The following ANKRD39 variants were observed in gnomAD, a reference collection of about 807,000 sequenced individuals.
ANKRD39 encodes the protein ankyrin repeat domain-containing protein 39.
Under a neutral mutation model 20.3 loss-of-function variants are expected in ANKRD39, and 18 were observed. The ratio of observed to expected loss-of-function variants is 0.89; its 90% CI spans 0.61 to 1.32. The LOEUF is 1.32. Ranked by LOEUF, ANKRD39 falls within the 40% of genes most tolerant of loss-of-function variation. The probability of loss-of-function intolerance (pLI) is 0.00; values close to 1 mark genes in which losing one functional copy is unlikely to be tolerated. For missense variants in ANKRD39, 243 were observed against 250.7 expected (o/e 0.97, Z 0.21); for synonymous variants, 106 against 111.9 (o/e 0.95, Z 0.33).
chr2:96,848,049 G>T lies in ANKRD39; in HGVS notation c.*252C>A, dbSNP rs573455547. 2.5e-6 allele frequency: 1 copy of T among 406,208 alleles called. No individual in the cohort carries two copies. Among genetic ancestry groups the T allele is most frequent in the Admixed American group, 3.7e-5 (1 of 27,134 alleles). The allele number at this position is 406,208 out of a possible 1,614,324, so 25.2% of individuals were successfully genotyped here. On this transcript the variant is annotated 3_prime_UTR_variant, in exon 4 of 4. Coordinates refer to ENST00000393537, the MANE Select transcript of ANKRD39 (RefSeq NM_016466.6). The stretch of plus-strand genomic sequence containing the variant: ...ATCTTTGGGTGTGGGATGAGGTAAG[G>T]ATATAACTTTATTTTTTTCCAAATA...
chr2:96,855,301 A>G (rs2079857146), intron 1 of ANKRD39, among the ~76,000 whole-genome samples: 1 of 152,270 alleles, frequency 6.6e-6, no homozygotes, highest in African/African-American at 2.4e-5. Context: ...GAAACAGGAA[A>G]GTTGATAAAT....
chr2:96,849,184 A>G (rs1158972129), intron 3 of ANKRD39, among the ~76,000 whole-genome samples: 1 of 151,960 alleles, frequency 6.6e-6, no homozygotes, highest in Non-Finnish European at 1.5e-5. Flanking sequence ...ACAGGGTCTC[A>G]CTCTGTTGCC....
Position 96,848,590 on chromosome 2 carries a change from G to A in ANKRD39, c.409-146C>T, listed in dbSNP as rs1242630679. ...GCCTGTAATCTCAGCACTTTGGGAG[G>A]CCAAGGCAGGCGGATCACAAGGTCA... On this transcript the variant is annotated intron_variant, in intron 3 of 3. Coordinates refer to ENST00000393537, the MANE Select transcript of ANKRD39 (RefSeq NM_016466.6). 1.5e-5 allele frequency: 15 copies of A among 1,009,082 alleles called. No homozygotes were observed. In the East Asian group the frequency reaches 2.4e-4, roughly 16 times the overall value. The allele number at this position is 1,009,082 out of a possible 1,614,324, so 62.5% of individuals were successfully genotyped here.
chr2:96,856,556 A>G (rs1454045341), intron 1 of ANKRD39, among the ~76,000 whole-genome samples: 1 of 151,924 alleles, frequency 6.6e-6, no homozygotes, highest in East Asian at 1.9e-4. Flanking sequence ...TCTTAACAGC[A>G]CAATTGACAC....
chr2:96,853,603 T>C lies in ANKRD39; in HGVS notation c.206A>G (p.His69Arg). ...QPDSAGYTAL[H>R]YASRNGHYAV... ...GTAGTGCCCATTGCGGCTGGCATAGTGCTGCAGGGAACAGAGACCGAGGTC... is the reference window on the plus strand; with the variant it reads ...GTAGTGCCCATTGCGGCTGGCATAGCGCTGCAGGGAACAGAGACCGAGGTC... Residue 69 changes from histidine to arginine, a missense_variant and splice_region_variant, in exon 3 of 4, where the codon CAC becomes CGC. His to Arg is a conservative substitution (Grantham distance 29, BLOSUM62 0). Coordinates refer to ENST00000393537, the MANE Select transcript of ANKRD39 (RefSeq NM_016466.6). 2 of 1,611,628 alleles carry C rather than the reference T, an allele frequency of 1.2e-6. No individual in the cohort carries two copies. The highest frequency in any genetic ancestry group is 1.7e-6 in the Non-Finnish European group (2 of 1,179,756).
chr2:96,852,876 TG>T (rs2079845135), intron 3 of ANKRD39, among the ~76,000 whole-genome samples: 1 of 152,078 alleles, frequency 6.6e-6, no homozygotes, highest in Non-Finnish European at 1.5e-5. Flanking sequence ...GAGACCAGCC[TG>T]GGCAACACAG....
intron 3 of ANKRD39, 132 bp from the exon 4 acceptor site, chr2:96,848,576 C>CA (rs1251686965): frequency 3.3e-6 from 4 of 1,227,688 alleles, no homozygotes; most frequent in Non-Finnish European, 2.2e-6. Flanking sequence ...CCTGTAATCT[C>CA]AGCACTTTGG....
chr2:96,848,594 A>G, intron 3 of ANKRD39, 150 bp from the exon 4 acceptor site: 2 of 970,262 alleles, frequency 2.1e-6, no homozygotes, highest in Non-Finnish European at 3.0e-6. Context: ...TGGGAGGCCA[A>G]GGCAGGCGGA....
chr2:96,854,685 C>T (rs758811424), intron 1 of ANKRD39, among the ~76,000 whole-genome samples: 5 of 152,270 alleles, frequency 3.3e-5, no homozygotes, highest in Non-Finnish European at 7.3e-5. Flanking sequence ...CTCCATCCCA[C>T]TTCAAACACA....
chr2:96,852,894 C>G (rs2079845217), intron 3 of ANKRD39, among the ~76,000 whole-genome samples: 1 of 151,930 alleles, frequency 6.6e-6, no homozygotes, highest in African/African-American at 2.4e-5. Context: ...ACAGTGAGAC[C>G]CCATTCCCCA....
At chr2:96,857,016 AG>A (rs2079868689) in intron 1 of ANKRD39, among the ~76,000 whole-genome samples, 1 of 152,206 alleles carries the variant, frequency 6.6e-6, no homozygotes, top group East Asian at 1.9e-4. Context: ...AGGCCATAAC[AG>A]GGAATGATGT....
intron 3 of ANKRD39, among the ~76,000 whole-genome samples, chr2:96,852,165 T>C (rs2079840903): frequency 6.6e-6 from 1 of 151,658 alleles, no homozygotes; most frequent in South Asian, 2.1e-4. Context: ...TGAGCTGTGA[T>C]TGTGCAAGTG....
In ANKRD39 at chr2:96,848,175, G is replaced by A. The variant is rs2079819035; in HGVS notation, c.*126C>T. 7.4e-7 allele frequency: 1 copy of A among 1,350,706 alleles called. No individual in the cohort carries two copies. The highest frequency in any genetic ancestry group is 1.3e-5 in the South Asian group (1 of 74,098). 83.7% of individuals were successfully genotyped at this position (1,350,706 alleles called of 1,614,324 possible). ...TACTCCCTCGCTTCCACAGTGACCA[G>A]ACTGGGGCTCTTCCTGGGTGGTCTG... is the stretch of plus-strand genomic sequence containing the variant. On this transcript the variant is annotated 3_prime_UTR_variant, in exon 4 of 4. Coordinates refer to ENST00000393537, the MANE Select transcript of ANKRD39 (RefSeq NM_016466.6).
At chr2:96,851,335 T>C in intron 3 of ANKRD39, among the ~76,000 whole-genome samples, 1 of 152,168 alleles carries the variant, frequency 6.6e-6, no homozygotes, top group East Asian at 1.9e-4. Flanking sequence ...TTTGTATTTT[T>C]AGTAGAGACG....
rs1377101150 is a variant in ANKRD39, at chr2:96,854,409, C to T, written c.133G>A (p.Gly45Ser). 1 of 1,614,150 alleles carries T rather than the reference C, an allele frequency of 6.2e-7. No homozygotes were observed. Among genetic ancestry groups the T allele is most frequent in the Admixed American group, 1.7e-5 (1 of 60,014 alleles). Residue 45 changes from glycine (G) to serine (S), a missense_variant, in exon 2 of 4, where the codon GGC becomes AGC. Transcript: ENST00000393537. The part of the protein sequence containing the change: ...IWSAALNGDL[G>S]RVKHLIQKAE... ...TTCTGGATTAAATGCTTCACTCGGCCCAGGTCTCCATTCAGGGCTGCCGAC... is the reference window on the plus strand; with the variant it reads ...TTCTGGATTAAATGCTTCACTCGGCTCAGGTCTCCATTCAGGGCTGCCGAC...
In ANKRD39 at chr2:96,857,532, C is replaced by A. The variant is rs1040316591; in HGVS notation, c.100+356G>T. Among the ~76,000 whole-genome samples, 23 of 152,388 alleles carry A rather than the reference C, an allele frequency of 1.5e-4. 2 individuals are homozygous for A. Among genetic ancestry groups the A allele is most frequent in the Admixed American group, 5.2e-4 (8 of 15,312 alleles). ...CCCAGGCCTGCAGCTCCATGCCCCT[C>A]AGGTTGGGTGCAATGCCCCTGGTGC... On this transcript the variant is annotated intron_variant, in intron 1 of 3. Coordinates refer to ENST00000393537, the MANE Select transcript of ANKRD39 (RefSeq NM_016466.6).
intron 1 of ANKRD39, among the ~76,000 whole-genome samples, chr2:96,857,191 G>A (rs1201329648): frequency 6.6e-6 from 1 of 152,172 alleles, no homozygotes; most frequent in East Asian, 1.9e-4. Context: ...CAGAACCACG[G>A]TAAAGGAAGA....
intron 1 of ANKRD39, 83 bp from the exon 2 acceptor site, chr2:96,854,524 T>A: frequency 1.6e-6 from 2 of 1,286,624 alleles, no homozygotes; most frequent in Non-Finnish European, 2.2e-6. Context: ...AGTTTTCTTG[T>A]CTATAAAGTG....
chr2:96,852,810 G>A (rs576634468), intron 3 of ANKRD39, among the ~76,000 whole-genome samples: 59 of 152,262 alleles, frequency 3.9e-4, no homozygotes, highest in African/African-American at 1.2e-3. Context: ...GCTCACACCC[G>A]TAATCTCAGC....
Sources: gnomAD v4.1 joint callset for allele counts (sites outside exome capture counted in the v4.1 genomes callset) on GRCh38, gnomAD v4.1.1 for gene constraint, MANE v1.5 for transcripts, NCBI Gene and HGNC (gene_info 2026-07-23, HGNC 2026-07-21) for gene names.